UNC5C: variants seen among roughly 807,000 people sequenced by gnomAD.
UNC5C encodes netrin receptor UNC5C.
In UNC5C, 47 loss-of-function variants were observed where a neutral mutation model predicts 99.8. The observed-to-expected ratio is 0.47, with a 90% CI of 0.37 to 0.60. The LOEUF is 0.60. Among genes scored for constraint, UNC5C ranks in the 20% least tolerant of loss-of-function variants. UNC5C has a pLI of 0.00. For synonymous variants in UNC5C, 487 were observed against 452.2 expected (o/e 1.08, Z -0.98); for missense variants, 1,062 against 1,165.9 (o/e 0.91, Z 1.30).
At chr4:95,388,916 G>A (rs532030331) in intron 1 of UNC5C, among the ~76,000 whole-genome samples, 73 of 152,078 alleles carry the variant, frequency 4.8e-4, no homozygotes, top group Non-Finnish European at 9.0e-4. Flanking sequence ...ATGGCAACTA[G>A]TAAGCCTATA....
intron 14 of UNC5C, among the ~76,000 whole-genome samples, chr4:95,180,115 C>T (rs1736553554): frequency 6.6e-6 from 1 of 152,004 alleles, no homozygotes; most frequent in African/African-American, 2.4e-5. Context: ...TGCTCTGGGC[C>T]AAGTTCTGTT....
chr4:95,174,030 G>T (rs965094311), intron 14 of UNC5C, among the ~76,000 whole-genome samples: 5 of 152,190 alleles, frequency 3.3e-5, no homozygotes, highest in Non-Finnish European at 5.9e-5. Flanking sequence ...TATTTGCATA[G>T]AGGTGTTTGT....
At chr4:95,502,713 C>A (rs143795121) in intron 1 of UNC5C, among the ~76,000 whole-genome samples, 2 of 152,202 alleles carry the variant, frequency 1.3e-5, no homozygotes, top group East Asian at 1.9e-4. Flanking sequence ...TTCATTATTA[C>A]TAAAAATGAA....
intron 2 of UNC5C, among the ~76,000 whole-genome samples, chr4:95,333,291 A>G (rs1293496195): frequency 6.6e-6 from 1 of 152,174 alleles, no homozygotes; most frequent in Non-Finnish European, 1.5e-5. Flanking sequence ...TTGAGGCATT[A>G]TTCACAATAG....
chr4:95,311,372 C>A (rs985703204), intron 2 of UNC5C, among the ~76,000 whole-genome samples: 2 of 152,096 alleles, frequency 1.3e-5, no homozygotes, highest in Admixed American at 6.6e-5. Flanking sequence ...ACTGAATTAG[C>A]AAATGCAACA....
At chr4:95,335,653 G>A (rs1386113352) in intron 1 of UNC5C, 22 bp from the exon 2 acceptor site, 1 of 1,586,128 alleles carries the variant, frequency 6.3e-7, no homozygotes, top group Non-Finnish European at 8.6e-7. Context: ...GAAGAAAGTG[G>A]AAGATGGTTA....
intron 1 of UNC5C, among the ~76,000 whole-genome samples, chr4:95,458,280 AG>A (rs559661052): frequency 1.3e-5 from 2 of 152,088 alleles, no homozygotes; most frequent in Non-Finnish European, 2.9e-5. Context: ...ACTAGAAAAT[AG>A]GGGTAACTGA....
chr4:95,219,982 G>T lies in UNC5C; in HGVS notation c.1300+3C>A. On this transcript the variant is annotated splice_donor_region_variant and intron_variant, in intron 8 of 15. Coordinates refer to ENST00000453304, the MANE Select transcript of UNC5C (RefSeq NM_003728.4). ...CAGGGTGTGAAGTGGAATGTCAACT[G>T]ACCTTGTCTTGCTGCCTTGATGTTC... 1 of 1,612,818 alleles carries T rather than the reference G, an allele frequency of 6.2e-7. No individual in the cohort carries two copies. The highest frequency in any genetic ancestry group is 1.1e-5 in the South Asian group (1 of 90,882).
At chr4:95,290,091 C>T (rs1741388302) in intron 3 of UNC5C, among the ~76,000 whole-genome samples, 1 of 151,888 alleles carries the variant, frequency 6.6e-6, no homozygotes, top group Admixed American at 6.6e-5. Flanking sequence ...TCGCTTGAGG[C>T]CAGGGAGTTT....
At chr4:95,200,784 G>A (rs1737624540) in intron 12 of UNC5C, among the ~76,000 whole-genome samples, 2 of 152,148 alleles carry the variant, frequency 1.3e-5, no homozygotes, top group Middle Eastern at 3.4e-3. Context: ...ATTTCTAACC[G>A]TGCCTTGGGC....
chr4:95,419,637 C>T (rs1048143457), intron 1 of UNC5C, among the ~76,000 whole-genome samples: 6 of 152,122 alleles, frequency 3.9e-5, no homozygotes, highest in Admixed American at 3.9e-4. Flanking sequence ...TTGAGTGCTA[C>T]TGTACATAAA....
At chr4:95,183,141 C>CTT in intron 13 of UNC5C, 80 bp from the exon 14 acceptor site, 1 of 1,386,612 alleles carries the variant, frequency 7.2e-7, no homozygotes, top group Non-Finnish European at 1.0e-6. Context: ...GCCAGGTACT[C>CTT]TGAGTATCAC....
rs977168824 is a variant in UNC5C at position 95,173,237 on chromosome 4, TCTC to T, written c.2452-2908_2452-2906del. On this transcript the variant is annotated intron_variant, in intron 14 of 15. Transcript: ENST00000453304. ...CCTAACTGAATACCCTTTATTTCCT[TCTC>T]CTGCCTAATTGCCCTGGCCAGAACT... Among the ~76,000 whole-genome samples, 33 of 140,634 alleles carry T rather than the reference TCTC, an allele frequency of 2.3e-4. No individual in the cohort carries two copies. In the South Asian group the frequency reaches 7.1e-3, roughly 30 times the overall value. 92.3% of individuals were successfully genotyped at this position (140,634 alleles called of 152,430 possible).
intron 1 of UNC5C, among the ~76,000 whole-genome samples, chr4:95,505,203 A>G (rs1439351581): frequency 1.3e-5 from 2 of 152,090 alleles, no homozygotes; most frequent in African/African-American, 4.8e-5. Context: ...CAAATGAACA[A>G]CTTACGGCCT....
intron 1 of UNC5C, among the ~76,000 whole-genome samples, chr4:95,364,979 A>C (rs1159445535): frequency 6.6e-6 from 1 of 151,828 alleles, no homozygotes; most frequent in Non-Finnish European, 1.5e-5. Flanking sequence ...ATATTTAAGT[A>C]TATATTTATT....
chr4:95,353,282 A>G (rs537556960), intron 1 of UNC5C, among the ~76,000 whole-genome samples: 15 of 152,254 alleles, frequency 9.9e-5, no homozygotes, highest in Non-Finnish European at 1.6e-4. Flanking sequence ...AAGTGAACAC[A>G]TCTAAAAGTG....
intron 1 of UNC5C, among the ~76,000 whole-genome samples, chr4:95,459,343 A>T (rs931840039): frequency 6.6e-6 from 1 of 152,112 alleles, no homozygotes; most frequent in Non-Finnish European, 1.5e-5. Context: ...TCAAGAGTTT[A>T]AAAAAATCAA....
intron 5 of UNC5C, among the ~76,000 whole-genome samples, chr4:95,248,800 G>A (rs1739591311): frequency 1.3e-5 from 2 of 152,114 alleles, no homozygotes; most frequent in African/African-American, 4.8e-5. Flanking sequence ...TAACCTCATA[G>A]TTGTTGTAAC....
intron 14 of UNC5C, among the ~76,000 whole-genome samples, chr4:95,173,663 T>C (rs1387913982): frequency 1.3e-5 from 2 of 151,066 alleles, no homozygotes; most frequent in Non-Finnish European, 3.0e-5. Context: ...TTGAGGATTT[T>C]TGCATCAATG....
Sources: allele counts gnomAD v4.1 joint callset (sites outside exome capture counted in the v4.1 genomes callset), GRCh38; gene constraint gnomAD v4.1.1; transcripts MANE v1.5; gene names NCBI Gene and HGNC (gene_info 2026-07-23, HGNC 2026-07-21).